Variants in VARS1 observed in about 807,000 individuals in gnomAD.
VARS1 encodes the protein valine--tRNA ligase.
A neutral mutation model predicts 161.0 loss-of-function variants in VARS1; 92 were observed. That is an observed-to-expected ratio of 0.57 (90% CI 0.48 to 0.68). VARS1 has a LOEUF of 0.68. Among genes scored for constraint, VARS1 ranks in the 30% least tolerant of loss-of-function variants. VARS1 has a pLI of 0.00. For synonymous variants in VARS1, 595 were observed against 682.5 expected (o/e 0.87, Z 2.00); for missense variants, 1,338 against 1,695.9 (o/e 0.79, Z 3.71).
rs769384316 is a variant in VARS1, at chr6:31,784,267, T to A, written c.1618A>T (p.Thr540Ser). 1 of 1,614,164 alleles carries A rather than the reference T, an allele frequency of 6.2e-7. No homozygotes were observed. The highest frequency in any genetic ancestry group is 1.1e-5 in the South Asian group (1 of 91,084). ...EVVVATTRIE[T>S]MLGDVAVAVH... ...GCTACAGCCACATCTCCCAGCATTGTCTCGATCCGAGTTGTTGCCACCACC... is the reference window on the plus strand; with the variant it reads ...GCTACAGCCACATCTCCCAGCATTGACTCGATCCGAGTTGTTGCCACCACC... Residue 540 changes from threonine (T) to serine (S), a missense_variant, in exon 13 of 30, where the codon ACA becomes TCA. Around this residue, in one of 3 missense-constraint regions of VARS1, gnomAD observed 902 missense variants for 1,090.3 expected, o/e 0.83. Coordinates refer to ENST00000375663, the MANE Select transcript of VARS1 (RefSeq NM_006295.3). This position sits in a 1 kb window ranked among gnomAD's most constrained non-coding sequence, Gnocchi z 6.1.
At chr6:31,783,820 A>G (rs953552354) in intron 13 of VARS1, among the ~76,000 whole-genome samples, 1 of 151,892 alleles carries the variant, frequency 6.6e-6, no homozygotes, top group Non-Finnish European at 1.5e-5. Context: ...CGCCACTACA[A>G]CTGGCTAATT....
Position 31,780,439 on chromosome 6 carries a change from A to G in VARS1, c.2925+2T>C. 1 of 1,611,994 alleles carries G rather than the reference A, an allele frequency of 6.2e-7. No homozygotes were observed. Among genetic ancestry groups the G allele is most frequent in the Non-Finnish European group, 8.5e-7 (1 of 1,178,972 alleles). ...CAGCTTTGCTGCCCACCAGGCCCTT[A>G]CCTGGGAGGTGGGTGAGGGCACAAA... On this transcript the variant is annotated splice_donor_variant, in intron 25 of 29. Transcript: ENST00000375663. LOFTEE classifies it high-confidence loss of function. The surrounding 1 kb of genome is among the most constrained non-coding windows in gnomAD (Gnocchi z 5.1).
rs540729725 is a variant in VARS1, at chr6:31,780,310, C to G, written c.2925+131G>C. The G allele has an allele frequency of 6.6e-7, 1 of 1,515,236 alleles. No homozygotes were observed. The highest frequency in any genetic ancestry group is 8.9e-7 in the Non-Finnish European group (1 of 1,128,490). The allele number at this position is 1,515,236 out of a possible 1,614,324, so 93.9% of individuals were successfully genotyped here. A position where few individuals can be genotyped will look rare whatever the true frequency, so the allele number is the denominator to read the frequency against. ...GGAAGAAGTGACAGGCCCCAGCCCC[C>G]AATGCGCTGGGCTTTCCCTTTAACT... On this transcript the variant is annotated intron_variant, in intron 25 of 29. Transcript: ENST00000375663. This position sits in a 1 kb window ranked among gnomAD's most constrained non-coding sequence, Gnocchi z 5.1.
In VARS1 at chr6:31,781,665, G is replaced by T. The variant is rs368747450; in HGVS notation, c.2418+26C>A. ...CACCCACCCTCCAGTCCCCTGTCCC[G>T]CCAAGCCCCGGCCCCAGGAACACAC... is the stretch of plus-strand genomic sequence containing the variant. On this transcript the variant is annotated intron_variant, in intron 20 of 29. Transcript: ENST00000375663. This position sits in a 1 kb window ranked among gnomAD's most constrained non-coding sequence, Gnocchi z 6.8. 1.2e-6 allele frequency: 2 copies of T among 1,612,720 alleles called. No homozygotes were observed. Among genetic ancestry groups the T allele is most frequent in the African/African-American group, 2.7e-5 (2 of 74,886 alleles).
chr6:31,791,952 G>C lies in VARS1; in HGVS notation c.891C>G (p.Pro297=), dbSNP rs577647216. The C allele has an allele frequency of 6.3e-7, 1 of 1,595,970 alleles. No individual in the cohort carries two copies. Among genetic ancestry groups the C allele is most frequent in the Non-Finnish European group, 8.5e-7 (1 of 1,169,934 alleles). Residue 297 remains proline (P), a synonymous_variant, in exon 7 of 30, where the codon CCC becomes CCG. Coordinates refer to ENST00000375663, the MANE Select transcript of VARS1 (RefSeq NM_006295.3). The surrounding 1 kb of genome is among the most constrained non-coding windows in gnomAD (Gnocchi z 5.0). ...GEKKDVSGPM[P]DSYSPRYVEA... Reference sequence around the variant, plus strand: ...CCACATACCGAGGGCTGTAGGAGTCGGGCATGGGGCCACTGACATCTGGGG... The same window carrying C: ...CCACATACCGAGGGCTGTAGGAGTCCGGCATGGGGCCACTGACATCTGGGG...
Position 31,795,050 on chromosome 6 carries a change from G to T in VARS1, c.168C>A (p.Arg56=), listed in dbSNP as rs1450707485. The part of the protein sequence containing the change: ...PTSRTPFPPP[R]LPALEQGPGG... ...CGGGCCCCTGCTCCAGGGCCGGCAG[G>T]CGGGGTGGGGGAAAGGGAGTCCTGC... The change falls in exon 2 of 30, where the codon CGC becomes CGA. Residue 56 remains arginine, a synonymous_variant. Transcript: ENST00000375663. This position sits in a 1 kb window ranked among gnomAD's most constrained non-coding sequence, Gnocchi z 6.9. 6.5e-7 allele frequency: 1 copy of T among 1,548,026 alleles called. No individual in the cohort carries two copies. Among genetic ancestry groups the T allele is most frequent in the Non-Finnish European group, 8.7e-7 (1 of 1,143,288 alleles).
intron 13 of VARS1, 131 bp from the exon 14 acceptor site, chr6:31,783,317 C>G: frequency 1.2e-6 from 1 of 851,870 alleles, no homozygotes; most frequent in Non-Finnish European, 1.8e-6. Context: ...CCAGCCTGGC[C>G]AACATGGGGA....
At chr6:31,786,437 C>T (rs537412787) in intron 8 of VARS1, among the ~76,000 whole-genome samples, 50 of 151,864 alleles carry the variant, frequency 3.3e-4, no homozygotes, top group Admixed American at 2.7e-3. Context: ...GAGGCCAAGG[C>T]GAGTGGATCA....
chr6:31,787,567 C>A (rs980604895), intron 8 of VARS1, among the ~76,000 whole-genome samples: 1 of 152,050 alleles, frequency 6.6e-6, no homozygotes, highest in African/African-American at 2.4e-5. Context: ...ATCGCTTGAA[C>A]CCAAGTGGTT....
chr6:31,794,913 T>G lies in VARS1; in HGVS notation c.305A>C (p.Tyr102Ser). 1 of 1,612,894 alleles carries G rather than the reference T, an allele frequency of 6.2e-7. No individual in the cohort carries two copies. The highest frequency in any genetic ancestry group is 8.5e-7 in the Non-Finnish European group (1 of 1,179,948). The change falls in exon 2 of 30, where the codon TAC becomes TCC. Residue 102 changes from tyrosine to serine, a missense_variant. Physicochemically the swap from Tyr to Ser is moderately radical, Grantham distance 144. This residue lies in a region of VARS1 where 902 missense variants were observed against 1,090.3 expected (regional missense o/e 0.83). Transcript: ENST00000375663. ...AAVLVQQWVS[Y>S]ADTELIPAAC... ...AGCTGGTATTAACTCCGTGTCGGCG[T>G]AACTGACCCACTGTTGGACAAGGAC...
Position 31,791,457 on chromosome 6 carries a change from T to C in VARS1, c.1100+153A>G, listed in dbSNP as rs1285595719. ...TACTGGACTAGGAGAGGAAGCTAAA[T>C]GATCAGATTGGAATGACAGAGAGAA... On this transcript the variant is annotated intron_variant, in intron 8 of 29. Coordinates refer to ENST00000375663, the MANE Select transcript of VARS1 (RefSeq NM_006295.3). The surrounding 1 kb of genome is among the most constrained non-coding windows in gnomAD (Gnocchi z 5.0). Among the ~76,000 whole-genome samples, 1 of 151,962 alleles carries C rather than the reference T, an allele frequency of 6.6e-6. No individual in the cohort carries two copies. Among genetic ancestry groups the C allele is most frequent in the East Asian group, 1.9e-4 (1 of 5,186 alleles).
rs769195581 is a variant in VARS1, at chr6:31,795,161, G to C, written c.57C>G (p.Leu19=). Residue 19 remains leucine (L), a synonymous_variant, in exon 2 of 30, where the codon CTC becomes CTG. Transcript: ENST00000375663. The surrounding 1 kb of genome is among the most constrained non-coding windows in gnomAD (Gnocchi z 6.9). ...CAGCCTCCCCATAGCGAGCGGCTAT[G>C]AGGGCTCGGAGGCTGGGGAAGGCAT... ...HPDAFPSLRA[L]IAARYGEAGE... 1 of 1,481,262 alleles carries C rather than the reference G, an allele frequency of 6.8e-7. No homozygotes were observed. Among genetic ancestry groups the C allele is most frequent in the Non-Finnish European group, 9.0e-7 (1 of 1,116,256 alleles). The allele number at this position is 1,481,262 out of a possible 1,614,324, so 91.8% of individuals were successfully genotyped here.
chr6:31,789,076 C>T (rs1012546111), intron 8 of VARS1, among the ~76,000 whole-genome samples: 48 of 151,818 alleles, frequency 3.2e-4, no homozygotes, highest in Admixed American at 3.2e-3. Flanking sequence ...AGATTTGTCA[C>T]CTAGAATATT....
At chr6:31,793,970 G>C (rs1209310263) in intron 2 of VARS1, among the ~76,000 whole-genome samples, 1 of 151,984 alleles carries the variant, frequency 6.6e-6, no homozygotes, top group East Asian at 1.9e-4. Context: ...CGGACAAGGT[G>C]GTGGGCGCCT....
In VARS1 at chr6:31,780,251, G is replaced by C. The variant is rs1478669323; in HGVS notation, c.2926-98C>G. ...GGCAAATCTTCATCCAGAGTCTGAT[G>C]AGTCCAAAGCAACCACCTATGTGCC... On this transcript the variant is annotated intron_variant, in intron 25 of 29. Transcript: ENST00000375663. This position sits in a 1 kb window ranked among gnomAD's most constrained non-coding sequence, Gnocchi z 5.1. 7.7e-6 allele frequency: 12 copies of C among 1,560,852 alleles called. No individual in the cohort carries two copies. The highest frequency in any genetic ancestry group is 1.0e-5 in the Non-Finnish European group (12 of 1,154,522).
chr6:31,794,034 T>C (rs1388536034), intron 2 of VARS1, among the ~76,000 whole-genome samples: 1 of 138,774 alleles, frequency 7.2e-6, no homozygotes, highest in Non-Finnish European at 1.5e-5. Flanking sequence ...AGCAGTGAGC[T>C]GAGATCGCAC....
At chr6:31,794,132 A>C (rs1044365470) in intron 2 of VARS1, among the ~76,000 whole-genome samples, 3 of 151,292 alleles carry the variant, frequency 2.0e-5, no homozygotes, top group African/African-American at 7.3e-5. Flanking sequence ...GAAATAAAAG[A>C]GGGGAACAAA....
At position 31,784,591 on chromosome 6, in the gene VARS1, G is replaced by A. The variant is rs1463881946; in HGVS notation, c.1467+4C>T. The A allele has an allele frequency of 6.2e-6, 10 of 1,613,290 alleles. No homozygotes were observed. Among genetic ancestry groups the A allele is most frequent in the Non-Finnish European group, 7.6e-6 (9 of 1,180,034 alleles). ...ATGGAGACAGGCCAGGTTGGGGGGC[G>A]CACCTCAATGTCAGAGATGGCGGAG... is the stretch of plus-strand genomic sequence containing the variant. On this transcript the variant is annotated splice_donor_region_variant and intron_variant, in intron 11 of 29. Transcript: ENST00000375663. This position sits in a 1 kb window ranked among gnomAD's most constrained non-coding sequence, Gnocchi z 6.1.
At position 31,784,444 on chromosome 6, in the gene VARS1, T is replaced by C. The variant is rs1813361298; in HGVS notation, c.1526A>G (p.Lys509Arg). ...GGACACGAGGACCCCGAACTCCACCTTCTCCTTGTAGCCAGGCACGGAGAG... is the reference window on the plus strand; with the variant it reads ...GGACACGAGGACCCCGAACTCCACCCTCTCCTTGTAGCCAGGCACGGAGAG... ...TLLSVPGYKE[K>R]VEFGVLVSFA... The change falls in exon 12 of 30, where the codon AAG (lysine) becomes AGG (arginine). Residue 509 changes from lysine to arginine, a missense_variant. Lys to Arg is a conservative substitution (Grantham distance 26). Around this residue, in one of 3 missense-constraint regions of VARS1, gnomAD observed 902 missense variants for 1,090.3 expected, o/e 0.83. Transcript: ENST00000375663. This position sits in a 1 kb window ranked among gnomAD's most constrained non-coding sequence, Gnocchi z 6.1. The C allele has an allele frequency of 6.2e-7, 1 of 1,614,108 alleles. No homozygotes were observed. Among genetic ancestry groups the C allele is most frequent in the East Asian group, 2.2e-5 (1 of 44,880 alleles).
Sources: gnomAD v4.1 joint callset for allele counts (sites outside exome capture counted in the v4.1 genomes callset) on GRCh38, gnomAD v4.1.1 for gene constraint, gnomAD v4.1.1 regional missense constraint, Gnocchi (gnomAD v3.1) non-coding constraint, MANE v1.5 for transcripts, NCBI Gene and HGNC (gene_info 2026-07-23, HGNC 2026-07-21) for gene names.